Variants in ZNF106 observed in about 807,000 individuals in gnomAD.
ZNF106 encodes SH3-domain binding protein 3.
In ZNF106, 67 loss-of-function variants were observed where a neutral mutation model predicts 195.1. The ratio of observed to expected loss-of-function variants is 0.34; its 90% confidence interval spans 0.28 to 0.42. ZNF106 has a LOEUF of 0.42. Among genes scored for constraint, ZNF106 ranks in the 10% least tolerant of loss-of-function variants. ZNF106 has a pLI of 1.00. For missense variants in ZNF106, 2,118 were observed against 2,304.5 expected (o/e 0.92, Z 1.66); for synonymous variants, 784 against 818.6 (o/e 0.96, Z 0.72).
chr15:42,480,392 TATG>T (rs1199852389), intron 1 of ZNF106, among the ~76,000 whole-genome samples: 1 of 152,220 alleles, frequency 6.6e-6, no homozygotes, highest in Non-Finnish European at 1.5e-5. Context: ...TGCTACTTTG[TATG>T]ATCTTTTTCC....
At chr15:42,423,630 A>G (rs1595434050) in intron 17 of ZNF106, among the ~76,000 whole-genome samples, 1 of 152,152 alleles carries the variant, frequency 6.6e-6, no homozygotes, top group East Asian at 1.9e-4. Flanking sequence ...TTCCCACCTC[A>G]GCCTTCTGAG....
chr15:42,440,814 C>G (rs2055473080), intron 10 of ZNF106, among the ~76,000 whole-genome samples: 1 of 150,192 alleles, frequency 6.7e-6, no homozygotes, highest in Non-Finnish European at 1.5e-5. Context: ...GAAAGCCTGT[C>G]TCTATTAAAA....
chr15:42,440,649 C>T (rs1407072073), intron 10 of ZNF106, among the ~76,000 whole-genome samples: 1 of 151,520 alleles, frequency 6.6e-6, no homozygotes, highest in Admixed American at 6.6e-5. Context: ...TAAATATATA[C>T]ACCTACTATG....
At chr15:42,473,261 T>C (rs2056718016) in intron 1 of ZNF106, among the ~76,000 whole-genome samples, 1 of 152,222 alleles carries the variant, frequency 6.6e-6, no homozygotes. Context: ...GTCCCAAGCA[T>C]TTCGGATAAA....
chr15:42,442,297 G>A lies in ZNF106; in HGVS notation c.3539C>T (p.Pro1180Leu). 1 of 1,614,148 alleles carries A rather than the reference G, an allele frequency of 6.2e-7. No homozygotes were observed. The change falls in exon 10 of 22, where the codon CCA (proline) becomes CTA (leucine). Residue 1180 changes from proline (P) to leucine (L), a missense_variant. Coordinates refer to ENST00000564754, the MANE Select transcript of ZNF106 (RefSeq NM_001366845.3). ...GGAAGATGGAGGCTCCAGAAAAAGT[G>A]GGAAAAAGGGAGTGGGCAGCAGTGC... ...DAALLPTPFFPLFLEPPSSHV... is the reference protein window; with the variant it reads ...DAALLPTPFFLLFLEPPSSHV...
Position 42,448,470 on chromosome 15 carries a change from G to A in ZNF106, c.2737C>T (p.Gln913Ter). 6.2e-7 allele frequency: 1 copy of A among 1,614,124 alleles called. No homozygotes were observed. Among genetic ancestry groups the A allele is most frequent in the Non-Finnish European group, 8.5e-7 (1 of 1,180,024 alleles). ...EGTGKENEPQQMVSPSNSLRA... is the reference protein window; with the variant it reads ...EGTGKENEPQ ...AATGAGTTACTAGGTGAAACCATCT[G>A]CTGGGGCTCATTTTCTTTGCCTGTA... Residue 913 changes from glutamine to a stop codon, truncating the protein, a stop_gained, in exon 6 of 22, where the codon CAG (glutamine) becomes TAG (stop). Coordinates refer to ENST00000564754, the MANE Select transcript of ZNF106 (RefSeq NM_001366845.3). LOFTEE classifies it high-confidence loss of function.
intron 20 of ZNF106, among the ~76,000 whole-genome samples, chr15:42,419,613 T>C (rs967835408): frequency 9.4e-4 from 143 of 152,076 alleles, no homozygotes; most frequent in African/African-American, 3.3e-3. Flanking sequence ...TACAGGCTTG[T>C]TGGTAAAGTC....
chr15:42,443,064 C>T (rs1490718297), intron 9 of ZNF106, among the ~76,000 whole-genome samples: 1 of 151,970 alleles, frequency 6.6e-6, no homozygotes, highest in African/African-American at 2.4e-5. Flanking sequence ...GACAGGGTTT[C>T]ACCACATTGC....
At chr15:42,419,971 A>C (rs1253976306) in intron 20 of ZNF106, among the ~76,000 whole-genome samples, 1 of 152,100 alleles carries the variant, frequency 6.6e-6, no homozygotes, top group African/African-American at 2.4e-5. Flanking sequence ...CAAAACAAAA[A>C]AAGTAATGCA....
Position 42,417,812 on chromosome 15 carries a change from G to A in ZNF106, c.5657C>T (p.Ser1886Phe). Residue 1886 changes from serine to phenylalanine, a missense_variant, in exon 21 of 22, where the codon TCC becomes TTC. Physicochemically the swap from Ser to Phe is radical, Grantham distance 155 (BLOSUM62 -2). Coordinates refer to ENST00000564754, the MANE Select transcript of ZNF106 (RefSeq NM_001366845.3). ...CAAGTCCCACTAATGTACCTGTTTG[G>A]ATCCTTTCCTAGCAGTGAAAAAAGC... ...CDAFFTARKG[S>F]KQDAAGHIER... 6.2e-7 allele frequency: 1 copy of A among 1,613,428 alleles called. No individual in the cohort carries two copies. The highest frequency in any genetic ancestry group is 8.5e-7 in the Non-Finnish European group (1 of 1,179,648).
Position 42,424,918 on chromosome 15 carries a change from G to T in ZNF106, c.5106C>A (p.Asp1702Glu). 6.2e-7 allele frequency: 1 copy of T among 1,614,184 alleles called. No individual in the cohort carries two copies. Among genetic ancestry groups the T allele is most frequent in the Non-Finnish European group, 8.5e-7 (1 of 1,180,030 alleles). Residue 1702 changes from aspartate (D) to glutamate (E), a missense_variant, in exon 16 of 22, where the codon GAC (aspartate) becomes GAA (glutamate). Asp to Glu is a conservative substitution (Grantham distance 45, BLOSUM62 2). Coordinates refer to ENST00000564754, the MANE Select transcript of ZNF106 (RefSeq NM_001366845.3). Reference protein sequence around the residue: ...ARKLLVVGSYDCTISVRDARN... With the variant: ...ARKLLVVGSYECTISVRDARN... ...GGGCATCGCGTACACTAATTGTGCA[G>T]TCATAAGACCCCACGACCAGCAGTT...
At chr15:42,417,398 C>T (rs1179806350) in intron 21 of ZNF106, 38 bp from the exon 22 acceptor site, 6 of 1,610,772 alleles carry the variant, frequency 3.7e-6, no homozygotes, top group South Asian at 2.2e-5. Flanking sequence ...AGAGAGAAGT[C>T]GATAGTAAGA....
rs758838879 is a variant in ZNF106, at chr15:42,448,133, C to G, written c.3074G>C (p.Cys1025Ser). The G allele has an allele frequency of 6.2e-7, 1 of 1,614,032 alleles. No homozygotes were observed. Among genetic ancestry groups the G allele is most frequent in the South Asian group, 1.1e-5 (1 of 91,088 alleles). ...ATCATTTTGTTCAGCACCAGAGGTA[C>G]AGCTACTATCTGTGGCTGCATCCGC... Reference protein sequence around the residue: ...SLADAATDSSCTSGAEQNDGQ... With the variant: ...SLADAATDSSSTSGAEQNDGQ... Residue 1025 changes from cysteine to serine, a missense_variant, in exon 6 of 22, where the codon TGT (cysteine) becomes TCT (serine). Cys to Ser is a moderately radical substitution (Grantham distance 112). Transcript: ENST00000564754.
intron 12 of ZNF106, among the ~76,000 whole-genome samples, chr15:42,438,113 A>G (rs1595452124): frequency 6.6e-6 from 1 of 150,878 alleles, no homozygotes; most frequent in South Asian, 2.1e-4. Flanking sequence ...AAGGCCAGGC[A>G]TGGTGGCTCA....
intron 14 of ZNF106, among the ~76,000 whole-genome samples, chr15:42,431,541 G>A (rs947649761): frequency 9.9e-5 from 15 of 151,796 alleles, no homozygotes; most frequent in African/African-American, 2.9e-4. Flanking sequence ...TTACAGGCAC[G>A]TACCACCAGG....
intron 17 of ZNF106, among the ~76,000 whole-genome samples, chr15:42,423,589 G>A (rs192519562): frequency 1.4e-4 from 22 of 152,106 alleles, no homozygotes; most frequent in Non-Finnish European, 2.5e-4. Context: ...TTTTGCCTAG[G>A]CTGGTCTCAA....
chr15:42,422,025 T>C (rs764070141), intron 18 of ZNF106, 37 bp from the exon 19 acceptor site: 3 of 1,545,220 alleles, frequency 1.9e-6, no homozygotes. Flanking sequence ...TGAAGTTATT[T>C]ATACCTTGCG....
rs1166995507 is a variant in ZNF106, at chr15:42,484,995, CA to C, written c.-33+5984del. On this transcript the variant is annotated intron_variant, in intron 1 of 21. Coordinates refer to ENST00000564754, the MANE Select transcript of ZNF106 (RefSeq NM_001366845.3). ...CCAACATGGCAAAACCCCGTTTCTA[CA>C]AAAAAAAAATTAGCTGGGCTTGCAT... is the stretch of plus-strand genomic sequence containing the variant. Among the ~76,000 whole-genome samples the C allele has an allele frequency of 6.1e-5, 9 of 148,696 alleles. No homozygotes were observed. In the East Asian group the frequency reaches 1.2e-3, roughly 20 times the overall value.
At position 42,450,492 on chromosome 15, in the gene ZNF106, C is replaced by T; in HGVS notation, c.1780G>A (p.Glu594Lys). Residue 594 changes from glutamate (E) to lysine (K), a missense_variant, in exon 5 of 22, where the codon GAA becomes AAA. By Grantham distance (56) the Glu-to-Lys change is moderately conservative. Transcript: ENST00000564754. ...ATTTTCAAAGACCCTTTTTCAGATT[C>T]TTCTACATTTCTACTTGCTTTTGCA... ...NYAKASRNVE[E>K]SEKGSLKIEF... is the part of the protein sequence containing the mutation. 1 of 1,613,830 alleles carries T rather than the reference C, an allele frequency of 6.2e-7. No individual in the cohort carries two copies. The highest frequency in any genetic ancestry group is 8.5e-7 in the Non-Finnish European group (1 of 1,179,976).
Sources: allele counts gnomAD v4.1 joint callset (sites outside exome capture counted in the v4.1 genomes callset), GRCh38; gene constraint gnomAD v4.1.1; transcripts MANE v1.5; gene names NCBI Gene and HGNC (gene_info 2026-07-23, HGNC 2026-07-21).